ZNF143: variants seen among roughly 807,000 people sequenced by gnomAD.
The protein encoded by ZNF143 is SPH-binding factor.
A neutral mutation model predicts 74.1 loss-of-function variants in ZNF143; 49 were observed. The ratio of observed to expected loss-of-function variants is 0.66; its 90% CI spans 0.53 to 0.84. The LOEUF is 0.84. Ranked by LOEUF, ZNF143 falls within the 40% of genes least tolerant of loss-of-function variation. The probability of loss-of-function intolerance (pLI) is 0.00; values close to 1 mark genes in which losing one functional copy is unlikely to be tolerated. For missense variants in ZNF143, 637 were observed against 793.4 expected (o/e 0.80, Z 2.37); for synonymous variants, 304 against 282.8 (o/e 1.07, Z -0.75).
chr11:9,500,977 C>T, intron 10 of ZNF143, 114 bp from the exon 11 acceptor site: 1 of 1,286,616 alleles, frequency 7.8e-7, no homozygotes, highest in Non-Finnish European at 1.1e-6. Context: ...AAGGGAAGCT[C>T]AGCACAAGAA....
intron 7 of ZNF143, among the ~76,000 whole-genome samples, chr11:9,480,785 G>T (rs1469493528): frequency 6.6e-6 from 1 of 151,830 alleles, no homozygotes; most frequent in Non-Finnish European, 1.5e-5. Flanking sequence ...TACTCAGGAG[G>T]CTGAGGCAGG....
chr11:9,497,383 C>T (rs1847997439), intron 9 of ZNF143, among the ~76,000 whole-genome samples: 1 of 152,068 alleles, frequency 6.6e-6, no homozygotes. Context: ...GCATGCATCA[C>T]CACACCCAGA....
At chr11:9,490,574 G>C (rs6486394) in intron 7 of ZNF143, among the ~76,000 whole-genome samples, 1 of 151,580 alleles carries the variant, frequency 6.6e-6, no homozygotes, top group Non-Finnish European at 1.5e-5. Context: ...GACGTGAGCT[G>C]CCGTGCCTGG....
intron 7 of ZNF143, among the ~76,000 whole-genome samples, chr11:9,484,506 T>C (rs904702939): frequency 6.8e-6 from 1 of 147,986 alleles, no homozygotes; most frequent in Non-Finnish European, 1.5e-5. Flanking sequence ...TGAGTCACCG[T>C]GCCCAGCCTG....
chr11:9,516,661 G>A (rs1157918502), intron 14 of ZNF143, among the ~76,000 whole-genome samples: 1 of 152,110 alleles, frequency 6.6e-6, no homozygotes, highest in African/African-American at 2.4e-5. Context: ...ATCATTATCA[G>A]ATACTTAGGA....
chr11:9,506,782 C>A (rs1292040914), intron 11 of ZNF143, among the ~76,000 whole-genome samples: 2 of 152,184 alleles, frequency 1.3e-5, no homozygotes, highest in Non-Finnish European at 2.9e-5. Context: ...AAGATTCAGA[C>A]CTGTGAAATG....
intron 1 of ZNF143, among the ~76,000 whole-genome samples, chr11:9,464,141 A>AT (rs939288869): frequency 1.3e-5 from 2 of 149,852 alleles, no homozygotes; most frequent in African/African-American, 2.5e-5. Flanking sequence ...TTAAAAATCC[A>AT]TTTTTTTTAA....
chr11:9,490,029 TA>T (rs944909434), intron 7 of ZNF143, among the ~76,000 whole-genome samples: 1 of 151,378 alleles, frequency 6.6e-6, no homozygotes, highest in African/African-American at 2.4e-5. Context: ...ATTTTTTTTT[TA>T]AAAACAAGCT....
intron 11 of ZNF143, among the ~76,000 whole-genome samples, chr11:9,506,985 A>T (rs1848388011): frequency 6.6e-6 from 1 of 152,066 alleles, no homozygotes; most frequent in South Asian, 2.1e-4. Context: ...TGATTTTTCC[A>T]AGTTGAAATT....
chr11:9,519,026 A>C (rs1848820419), intron 14 of ZNF143, among the ~76,000 whole-genome samples: 1 of 152,204 alleles, frequency 6.6e-6, no homozygotes, highest in African/African-American at 2.4e-5. Context: ...TAAAATTTAC[A>C]TAACAATGAA....
chr11:9,472,670 G>A lies in ZNF143; in HGVS notation c.113-7G>A. 1.2e-6 allele frequency: 2 copies of A among 1,606,502 alleles called. No homozygotes were observed. Among genetic ancestry groups the A allele is most frequent in the Admixed American group, 3.4e-5 (2 of 58,304 alleles). The stretch of plus-strand genomic sequence containing the variant: ...GTCTAAAGAAAATATTGATTTTTTT[G>A]TAATAGATGGTGACAACTTAGAAAA... On this transcript the variant is annotated splice_polypyrimidine_tract_variant and splice_region_variant and intron_variant, in intron 2 of 15. Transcript: ENST00000396602.
intron 1 of ZNF143, among the ~76,000 whole-genome samples, chr11:9,464,880 G>A (rs1203488805): frequency 4.6e-5 from 7 of 151,850 alleles, no homozygotes; most frequent in South Asian, 2.1e-4. Context: ...ACGAGATCGC[G>A]TCACTGTATT....
At chr11:9,516,110 A>C in intron 13 of ZNF143, 91 bp from the exon 14 acceptor site, 1 of 1,261,624 alleles carries the variant, frequency 7.9e-7, no homozygotes, top group Non-Finnish European at 1.1e-6. Flanking sequence ...CCACAGGGCA[A>C]ACTTATACAA....
intron 7 of ZNF143, among the ~76,000 whole-genome samples, chr11:9,479,856 A>G (rs1223675002): frequency 6.6e-6 from 1 of 152,166 alleles, no homozygotes; most frequent in Non-Finnish European, 1.5e-5. Flanking sequence ...GCCCCCACCC[A>G]TGGCATGGCA....
At chr11:9,468,662 A>T (rs1856388164) in intron 1 of ZNF143, among the ~76,000 whole-genome samples, 1 of 152,160 alleles carries the variant, frequency 6.6e-6, no homozygotes, top group African/African-American at 2.4e-5. Flanking sequence ...TAATTAATGG[A>T]ACATGCTTAC....
intron 7 of ZNF143, among the ~76,000 whole-genome samples, chr11:9,482,823 G>T (rs1847300339): frequency 6.6e-6 from 1 of 151,320 alleles, no homozygotes. Context: ...GGATTTTGAA[G>T]ACATAGTACG....
At chr11:9,486,746 G>A (rs1424261494) in intron 7 of ZNF143, among the ~76,000 whole-genome samples, 1 of 149,478 alleles carries the variant, frequency 6.7e-6, no homozygotes, top group Non-Finnish European at 1.5e-5. Flanking sequence ...TCGGCTCACT[G>A]CAGCCTTTGC....
In ZNF143 at chr11:9,514,800, G is replaced by T. The variant is rs182700604; in HGVS notation, c.1525-1401G>T. On this transcript the variant is annotated intron_variant, in intron 13 of 15. Coordinates refer to ENST00000396602, the MANE Select transcript of ZNF143 (RefSeq NM_003442.6). ...GTGGAAGATGAGCCTGGGGAAGTTG[G>T]TAAAGGCCAGGTCATGAAAGGTCAG... Among the ~76,000 whole-genome samples, 10 of 152,310 alleles carry T rather than the reference G, an allele frequency of 6.6e-5. No homozygotes were observed. The East Asian group carries it at 1.9e-3, about 29-fold the overall frequency.
intron 7 of ZNF143, among the ~76,000 whole-genome samples, chr11:9,493,492 A>G (rs538401161): frequency 1.8e-4 from 28 of 152,154 alleles, no homozygotes; most frequent in Non-Finnish European, 3.7e-4. Context: ...TAATTTAACA[A>G]TTACACTGAG....
Sources: allele counts gnomAD v4.1 joint callset (sites outside exome capture counted in the v4.1 genomes callset), GRCh38; gene constraint gnomAD v4.1.1; transcripts MANE v1.5; gene names NCBI Gene and HGNC (gene_info 2026-07-23, HGNC 2026-07-21).